PPP6R3: variants seen among roughly 807,000 people sequenced by gnomAD.
The protein encoded by PPP6R3 is serine/threonine-protein phosphatase 6 regulatory subunit 3.
In PPP6R3, 38 loss-of-function variants were observed where a neutral mutation model predicts 110.7. That is an observed-to-expected ratio of 0.34 (90% CI 0.26 to 0.45). The LOEUF (loss-of-function observed/expected upper bound fraction) is 0.45, where lower values mean the gene tolerates loss of function less well. Ranked by LOEUF, PPP6R3 falls within the 20% of genes least tolerant of loss-of-function variation. The pLI, the probability that PPP6R3 is intolerant of heterozygous loss-of-function variation, is 1.00. For missense variants in PPP6R3, 870 were observed against 1,062.4 expected (o/e 0.82, Z 2.52); for synonymous variants, 369 against 373.5 (o/e 0.99, Z 0.14).
intron 1 of PPP6R3, among the ~76,000 whole-genome samples, chr11:68,513,228 C>T (rs1247373225): frequency 6.6e-6 from 1 of 152,074 alleles, no homozygotes; most frequent in Non-Finnish European, 1.5e-5. Flanking sequence ...GAGCTCATTC[C>T]CCGCATAAAT....
At chr11:68,492,839 T>C (rs1195865593) in intron 1 of PPP6R3, among the ~76,000 whole-genome samples, 1 of 152,232 alleles carries the variant, frequency 6.6e-6, no homozygotes, top group African/African-American at 2.4e-5. Context: ...CTTAAATCTT[T>C]CTGGCAGCAA....
chr11:68,472,985 A>G (rs2098803071), intron 1 of PPP6R3, among the ~76,000 whole-genome samples: 1 of 152,196 alleles, frequency 6.6e-6, no homozygotes, highest in African/African-American at 2.4e-5. Flanking sequence ...TTATTTATCC[A>G]TTCATCAGTT....
chr11:68,538,680 A>G (rs1025061755), intron 3 of PPP6R3, among the ~76,000 whole-genome samples: 4 of 152,166 alleles, frequency 2.6e-5, no homozygotes, highest in Non-Finnish European at 5.9e-5. Flanking sequence ...TTGGGGAGAA[A>G]TGTGCTGTTA....
chr11:68,604,247 AG>A (rs1938123643), intron 22 of PPP6R3, among the ~76,000 whole-genome samples: 1 of 152,270 alleles, frequency 6.6e-6, no homozygotes, highest in Non-Finnish European at 1.5e-5. Context: ...TGTATTTTAA[AG>A]TCATGACCAA....
chr11:68,496,264 T>C (rs1342533799), intron 1 of PPP6R3, among the ~76,000 whole-genome samples: 1 of 151,802 alleles, frequency 6.6e-6, no homozygotes, highest in Admixed American at 6.6e-5. Context: ...CAAGTGATTC[T>C]CTCCTCTCGC....
intron 1 of PPP6R3, among the ~76,000 whole-genome samples, chr11:68,503,630 A>G: frequency 6.6e-6 from 1 of 152,248 alleles, no homozygotes; most frequent in Middle Eastern, 3.2e-3. Context: ...ACGTGAGGAC[A>G]GAAGAGTTTC....
Position 68,596,167 on chromosome 11 carries a change from G to C in PPP6R3, c.1987G>C (p.Glu663Gln), listed in dbSNP as rs1376101054. 6.2e-7 allele frequency: 1 copy of C among 1,614,220 alleles called. No individual in the cohort carries two copies. Among genetic ancestry groups the C allele is most frequent in the Admixed American group, 1.7e-5 (1 of 60,030 alleles). Reference protein sequence around the residue: ...EEDGAKQDLFEPSSANTEDKM... With the variant: ...EEDGAKQDLFQPSSANTEDKM... ...AGATGGAGCAAAGCAAGACTTGTTT[G>C]AACCCAGCAGTGCCAACACGGAGGA... The change falls in exon 19 of 24, where the codon GAA (glutamate) becomes CAA (glutamine). Residue 663 changes from glutamate to glutamine, a missense_variant. Coordinates refer to ENST00000393800, the MANE Select transcript of PPP6R3 (RefSeq NM_001164161.2).
chr11:68,521,632 C>T (rs1459442021), intron 2 of PPP6R3, among the ~76,000 whole-genome samples: 1 of 152,152 alleles, frequency 6.6e-6, no homozygotes, highest in Non-Finnish European at 1.5e-5. Flanking sequence ...GCACTTTAGA[C>T]CAGGGGCTGG....
At chr11:68,575,909 G>T (rs748760259) in intron 13 of PPP6R3, 49 bp from the exon 14 acceptor site, 1 of 1,379,754 alleles carries the variant, frequency 7.2e-7, no homozygotes, top group Admixed American at 1.8e-5. Flanking sequence ...ATTTGTCTCC[G>T]TGGAGGTCAT....
intron 1 of PPP6R3, among the ~76,000 whole-genome samples, chr11:68,503,586 G>C (rs2099059617): frequency 6.6e-6 from 1 of 152,120 alleles, no homozygotes; most frequent in African/African-American, 2.4e-5. Flanking sequence ...CGTCTTCTGG[G>C]GGACTGCCTT....
intron 8 of PPP6R3, among the ~76,000 whole-genome samples, chr11:68,561,915 A>G (rs534361160): frequency 6.6e-6 from 1 of 152,310 alleles, no homozygotes; most frequent in East Asian, 1.9e-4. Context: ...ACAAGCCATC[A>G]TGTCCAGCCA....
intron 23 of PPP6R3, among the ~76,000 whole-genome samples, chr11:68,612,498 A>C (rs1016677753): frequency 6.6e-6 from 1 of 151,874 alleles, no homozygotes; most frequent in African/African-American, 2.4e-5. Context: ...TTTGTTATAT[A>C]CTGTCCCACC....
intron 3 of PPP6R3, among the ~76,000 whole-genome samples, chr11:68,541,687 G>A (rs2099316515): frequency 6.6e-6 from 1 of 152,146 alleles, no homozygotes; most frequent in South Asian, 2.1e-4. Flanking sequence ...AGCTGATGGA[G>A]CTAGAAGAAA....
intron 1 of PPP6R3, among the ~76,000 whole-genome samples, chr11:68,498,648 C>T (rs2153470881): frequency 6.6e-6 from 1 of 152,312 alleles, no homozygotes; most frequent in East Asian, 1.9e-4. Flanking sequence ...TGTAAAATTA[C>T]TGAAGTCATT....
intron 23 of PPP6R3, among the ~76,000 whole-genome samples, chr11:68,610,364 TGAG>T (rs1019152583): frequency 6.6e-5 from 10 of 152,270 alleles, no homozygotes; most frequent in African/African-American, 2.4e-4. Context: ...CTCCAGGACT[TGAG>T]TTCTCATTGG....
chr11:68,475,842 C>T (rs1269750612), intron 1 of PPP6R3, among the ~76,000 whole-genome samples: 3 of 150,374 alleles, frequency 2.0e-5, no homozygotes, highest in East Asian at 2.0e-4. Flanking sequence ...CGGGCAGAGA[C>T]GCTCCTCACC....
intron 1 of PPP6R3, among the ~76,000 whole-genome samples, chr11:68,462,061 T>G (rs2098711923): frequency 1.3e-5 from 2 of 152,166 alleles, no homozygotes; most frequent in Non-Finnish European, 1.5e-5. Context: ...GGAATAATAA[T>G]AAGTGTCCCA....
Position 68,615,195 on chromosome 11 carries a change from G to A in PPP6R3, c.*2078G>A. 1 of 421,628 alleles carries A rather than the reference G, an allele frequency of 2.4e-6. No homozygotes were observed. Among genetic ancestry groups the A allele is most frequent in the South Asian group, 1.7e-5 (1 of 58,662 alleles). 26.1% of individuals were successfully genotyped at this position (421,628 alleles called of 1,614,324 possible). The stretch of plus-strand genomic sequence containing the variant: ...GTTGGAGGGGCCAAGCCAAGGACAG[G>A]AGCAAGTGTGCCCTCATTTTGTTTC... On this transcript the variant is annotated 3_prime_UTR_variant, in exon 24 of 24. Coordinates refer to ENST00000393800, the MANE Select transcript of PPP6R3 (RefSeq NM_001164161.2).
At position 68,469,135 on chromosome 11, in the gene PPP6R3, T is replaced by C. The variant is rs200950919; in HGVS notation, c.-158+8308T>C. 1.6e-4 allele frequency among the ~76,000 whole-genome samples: 24 copies of C among 152,384 alleles called. No individual in the cohort carries two copies. The East Asian group carries it at 2.5e-3, about 16-fold the overall frequency. On this transcript the variant is annotated intron_variant, in intron 1 of 23. Coordinates refer to ENST00000393800, the MANE Select transcript of PPP6R3 (RefSeq NM_001164161.2). Reference sequence around the variant, plus strand: ...TAGGCATTGGAGGCTAAATGGTCTCTGCAAGGACTCATCTCTGCTTTTGTA... The same window carrying C: ...TAGGCATTGGAGGCTAAATGGTCTCCGCAAGGACTCATCTCTGCTTTTGTA...
Sources: allele counts gnomAD v4.1 joint callset (sites outside exome capture counted in the v4.1 genomes callset), GRCh38; gene constraint gnomAD v4.1.1; transcripts MANE v1.5; gene names NCBI Gene and HGNC (gene_info 2026-07-23, HGNC 2026-07-21).